Variants in CACNA1A observed in about 807,000 individuals in gnomAD.
The protein encoded by CACNA1A is voltage-dependent P/Q-type calcium channel subunit alpha-1A.
Under a neutral mutation model 262.4 loss-of-function variants are expected in CACNA1A, and 57 were observed. The observed-to-expected ratio is 0.22, with a 90% CI of 0.18 to 0.27. The LOEUF (loss-of-function observed/expected upper bound fraction) is 0.27, where lower values mean the gene tolerates loss of function less well. CACNA1A is among the 10% of genes least tolerant of loss of function. The probability of loss-of-function intolerance (pLI) is 1.00; values close to 1 mark genes in which losing one functional copy is unlikely to be tolerated. For missense variants in CACNA1A, 2,526 were observed against 3,562.8 expected (o/e 0.71, Z 7.41); for synonymous variants, 1,431 against 1,419.3 (o/e 1.01, Z -0.18).
At chr19:13,226,314 TTGTC>T (rs1240480993) in intron 37 of CACNA1A, 3 of 141,524 alleles carry the variant, frequency 2.1e-5, no homozygotes, top group African/African-American at 8.0e-5. Flanking sequence ...GAGAGGCTCA[TTGTC>T]TGAGATGCTG....
At chr19:13,253,613 C>G (rs1477162796) in intron 29 of CACNA1A, among the ~76,000 whole-genome samples, 1 of 150,322 alleles carries the variant, frequency 6.7e-6, no homozygotes, top group Non-Finnish European at 1.5e-5. Flanking sequence ...GCCCAGCTAA[C>G]TTTTTGTATT....
At chr19:13,425,535 G>A (rs1429524653) in intron 3 of CACNA1A, among the ~76,000 whole-genome samples, 1 of 152,184 alleles carries the variant, frequency 6.6e-6, no homozygotes, top group Non-Finnish European at 1.5e-5. Flanking sequence ...TTTTGAGGAA[G>A]TTACTTTGGC....
chr19:13,251,106 T>C (rs1416257242), intron 30 of CACNA1A, among the ~76,000 whole-genome samples: 1 of 141,286 alleles, frequency 7.1e-6, no homozygotes, highest in Non-Finnish European at 1.5e-5. Context: ...TACTCCAGCT[T>C]GGGCAACAGA....
At chr19:13,368,131 G>A (rs1342490874) in intron 4 of CACNA1A, among the ~76,000 whole-genome samples, 1 of 151,806 alleles carries the variant, frequency 6.6e-6, no homozygotes, top group Non-Finnish European at 1.5e-5. Flanking sequence ...CCTGAGCAGC[G>A]TGGTGAAACC....
intron 3 of CACNA1A, among the ~76,000 whole-genome samples, chr19:13,443,294 A>G (rs536682421): frequency 6.6e-6 from 1 of 152,226 alleles, no homozygotes; most frequent in East Asian, 1.9e-4. Flanking sequence ...CCATCTGTAA[A>G]TGGGAATAAT....
Position 13,210,666 on chromosome 19 carries a change from A to G in CACNA1A, c.6304-14T>C, listed in dbSNP as rs776930613. ...GCCCCTTCTCCTCTGTCACAGCCCC[A>G]TGGGATGGTGCACACAGAAAAAACA... On this transcript the variant is annotated splice_polypyrimidine_tract_variant and intron_variant, in intron 43 of 46. Coordinates refer to ENST00000360228, the MANE Select transcript of CACNA1A (RefSeq NM_001127222.2). 71 of 1,560,480 alleles carry G rather than the reference A, an allele frequency of 4.5e-5. No homozygotes were observed. Among genetic ancestry groups the G allele is most frequent in the Non-Finnish European group, 5.7e-5 (66 of 1,153,370 alleles).
At chr19:13,264,333 A>T (rs2056812726) in intron 24 of CACNA1A, among the ~76,000 whole-genome samples, 1 of 151,940 alleles carries the variant, frequency 6.6e-6, no homozygotes, top group Non-Finnish European at 1.5e-5. Context: ...CCCGCCATCC[A>T]TTCCTGGGTG....
chr19:13,411,254 T>C (rs1248342579), intron 3 of CACNA1A, among the ~76,000 whole-genome samples: 2 of 152,176 alleles, frequency 1.3e-5, no homozygotes, highest in Non-Finnish European at 2.9e-5. Flanking sequence ...CCCCATTTTA[T>C]TTGATGGCAA....
chr19:13,505,883 G>A (rs1193222696), intron 1 of CACNA1A, 49 bp downstream of exon 1: 2 of 1,571,262 alleles, frequency 1.3e-6, no homozygotes, highest in South Asian at 1.2e-5. Flanking sequence ...GGGAGGCGGA[G>A]GGAGGAGGGG....
intron 30 of CACNA1A, among the ~76,000 whole-genome samples, chr19:13,252,061 T>C (rs1265620162): frequency 6.6e-6 from 1 of 151,488 alleles, no homozygotes. Flanking sequence ...TCACTGTGCC[T>C]GACCTCTGTG....
At position 13,230,787 on chromosome 19, in the gene CACNA1A, A is replaced by C. The variant is rs576457013; in HGVS notation, c.5401-578T>G. On this transcript the variant is annotated intron_variant, in intron 35 of 46. Coordinates refer to ENST00000360228, the MANE Select transcript of CACNA1A (RefSeq NM_001127222.2). ...TCGCCACTGCACTTTAGCCTGGGCA[A>C]CAGAGTGAGACTCCATTTCAAAGAA... Among the ~76,000 whole-genome samples the C allele has an allele frequency of 3.3e-5, 5 of 151,756 alleles. No individual in the cohort carries two copies. The South Asian group carries it at 1.0e-3, about 32-fold the overall frequency.
At chr19:13,379,134 C>T (rs1228356236) in intron 3 of CACNA1A, among the ~76,000 whole-genome samples, 1 of 152,024 alleles carries the variant, frequency 6.6e-6, no homozygotes, top group Non-Finnish European at 1.5e-5. Context: ...GCATGCGTCA[C>T]CATACCCAGC....
chr19:13,434,465 A>C (rs1390253856), intron 3 of CACNA1A, among the ~76,000 whole-genome samples: 1 of 152,070 alleles, frequency 6.6e-6, no homozygotes, highest in African/African-American at 2.4e-5. Flanking sequence ...GTAATCCCCA[A>C]TGTTGGAGGT....
Position 13,307,774 on chromosome 19 carries a change from G to T in CACNA1A, c.1986+8C>A. The T allele has an allele frequency of 6.2e-7, 1 of 1,613,576 alleles. No homozygotes were observed. Among genetic ancestry groups the T allele is most frequent in the Non-Finnish European group, 8.5e-7 (1 of 1,179,438 alleles). On this transcript the variant is annotated splice_region_variant and intron_variant, in intron 15 of 46. Transcript: ENST00000360228. ...GTGTTGGCCCGTGGGGCCAGGTGGA[G>T]GCTGTACCTGAAACACCGTCATTAT...
chr19:13,222,858 C>G (rs1325907356), intron 38 of CACNA1A, among the ~76,000 whole-genome samples: 1 of 151,590 alleles, frequency 6.6e-6, no homozygotes, highest in Non-Finnish European at 1.5e-5. Flanking sequence ...TGACACCCGG[C>G]TACTTTTTGT....
At chr19:13,235,853 A>C in intron 31 of CACNA1A, 123 bp from the exon 32 acceptor site, 2 of 634,310 alleles carry the variant, frequency 3.2e-6, no homozygotes, top group East Asian at 2.7e-5. Flanking sequence ...GACCCCAAAT[A>C]AGGAGGGAGA....
chr19:13,438,025 C>A (rs1273761455), intron 3 of CACNA1A, among the ~76,000 whole-genome samples: 3 of 152,210 alleles, frequency 2.0e-5, no homozygotes, highest in African/African-American at 4.8e-5. Context: ...CTGGAAGCAT[C>A]TGAGGAGGCT....
chr19:13,461,739 T>C (rs2061127825), intron 1 of CACNA1A, among the ~76,000 whole-genome samples: 1 of 152,174 alleles, frequency 6.6e-6, no homozygotes, highest in Non-Finnish European at 1.5e-5. Flanking sequence ...GCTGAGCCTT[T>C]CTGCTCCCTG....
At chr19:13,359,540 C>T (rs2059065391) in intron 6 of CACNA1A, 66 bp downstream of exon 6, 1 of 1,301,276 alleles carries the variant, frequency 7.7e-7, no homozygotes, top group Admixed American at 1.9e-5. Flanking sequence ...TGGAGTCTCA[C>T]TGGTCCCAGG....
Sources: allele counts gnomAD v4.1 joint callset (sites outside exome capture counted in the v4.1 genomes callset), GRCh38; gene constraint gnomAD v4.1.1; transcripts MANE v1.5; gene names NCBI Gene and HGNC (gene_info 2026-07-23, HGNC 2026-07-21).